Variants in ATRNL1 observed in about 807,000 individuals in gnomAD.
The protein encoded by ATRNL1 is attractin like 1.
Under a neutral mutation model 182.7 loss-of-function variants are expected in ATRNL1, and 95 were observed. That is an observed-to-expected ratio of 0.52 (90% CI 0.44 to 0.62). The LOEUF is 0.62. ATRNL1 is among the 20% of genes least tolerant of loss of function. The probability of loss-of-function intolerance (pLI) is 0.00; values close to 1 mark genes in which losing one functional copy is unlikely to be tolerated. For synonymous variants in ATRNL1, 576 were observed against 568.3 expected, an observed-to-expected ratio of 1.01 and a Z score of -0.19; for missense variants, 1,471 against 1,679.5, an observed-to-expected ratio of 0.88 and a Z score of 2.17.
chr10:115,601,654 G>T (rs1856599300), intron 26 of ATRNL1, among the ~76,000 whole-genome samples: 1 of 151,994 alleles, frequency 6.6e-6, no homozygotes, highest in Admixed American at 6.6e-5. Context: ...TCATGTTCTG[G>T]TCTATTTTTA....
chr10:115,597,738 G>A (rs782609806), intron 26 of ATRNL1: 2 of 441,304 alleles, frequency 4.5e-6, no homozygotes, highest in South Asian at 1.6e-5. Flanking sequence ...AGTAGAGATG[G>A]GGTTTCACCA....
chr10:115,679,093 C>T (rs1223037512), intron 26 of ATRNL1, among the ~76,000 whole-genome samples: 1 of 152,066 alleles, frequency 6.6e-6, no homozygotes, highest in Non-Finnish European at 1.5e-5. Flanking sequence ...GGAGGTCCTT[C>T]TCTTACTATT....
chr10:115,542,855 T>A (rs1852437583), intron 25 of ATRNL1, among the ~76,000 whole-genome samples: 1 of 152,202 alleles, frequency 6.6e-6, no homozygotes, highest in African/African-American at 2.4e-5. Context: ...TCACACTGTG[T>A]ACTCACATGG....
intron 26 of ATRNL1, among the ~76,000 whole-genome samples, chr10:115,562,625 C>G (rs183449857): frequency 6.6e-6 from 1 of 152,230 alleles, no homozygotes; most frequent in African/African-American, 2.4e-5. Flanking sequence ...CCATCCTGTT[C>G]TCATGATAGT....
At chr10:115,925,156 A>T (rs1953186267) in intron 28 of ATRNL1, among the ~76,000 whole-genome samples, 2 of 152,152 alleles carry the variant, frequency 1.3e-5, no homozygotes, top group African/African-American at 4.8e-5. Context: ...GGCTGAGATG[A>T]TGGGGCTTTC....
chr10:115,198,826 T>A (rs1848451928), intron 8 of ATRNL1, among the ~76,000 whole-genome samples: 1 of 152,166 alleles, frequency 6.6e-6, no homozygotes, highest in African/African-American at 2.4e-5. Flanking sequence ...AATGTGTGAA[T>A]TTATTTTCAG....
At chr10:115,354,996 C>A (rs1344358216) in intron 19 of ATRNL1, among the ~76,000 whole-genome samples, 2 of 151,972 alleles carry the variant, frequency 1.3e-5, no homozygotes, top group Non-Finnish European at 2.9e-5. Context: ...ACTTTTTCAG[C>A]TCGAGTGATT....
chr10:115,233,707 G>A (rs1322907742), intron 9 of ATRNL1, among the ~76,000 whole-genome samples: 1 of 151,988 alleles, frequency 6.6e-6, no homozygotes, highest in Non-Finnish European at 1.5e-5. Flanking sequence ...TTTGATAAGG[G>A]TTTATATTAT....
At chr10:115,648,416 G>C (rs1229695386) in intron 26 of ATRNL1, among the ~76,000 whole-genome samples, 1 of 152,102 alleles carries the variant, frequency 6.6e-6, no homozygotes, top group Non-Finnish European at 1.5e-5. Flanking sequence ...TCCCCATCAA[G>C]CTACCAATGA....
At chr10:115,763,254 C>T (rs1948776721) in intron 27 of ATRNL1, among the ~76,000 whole-genome samples, 1 of 152,000 alleles carries the variant, frequency 6.6e-6, no homozygotes, top group African/African-American at 2.4e-5. Flanking sequence ...TATGTTAAAT[C>T]TGGAATTGGA....
intron 26 of ATRNL1, among the ~76,000 whole-genome samples, chr10:115,626,497 A>G (rs143705515): frequency 2.6e-4 from 39 of 152,278 alleles, no homozygotes; most frequent in African/African-American, 8.9e-4. Context: ...TGTTGGGTAT[A>G]TTTGATTCTG....
intron 10 of ATRNL1, among the ~76,000 whole-genome samples, chr10:115,249,765 T>C (rs1276714027): frequency 6.6e-6 from 1 of 152,184 alleles, no homozygotes; most frequent in African/African-American, 2.4e-5. Flanking sequence ...ATTTCTGTAA[T>C]TTTCATGATG....
At chr10:115,243,505 A>C (rs1554903418) in intron 10 of ATRNL1, among the ~76,000 whole-genome samples, 1 of 152,084 alleles carries the variant, frequency 6.6e-6, no homozygotes, top group East Asian at 1.9e-4. Context: ...GATTAAACAG[A>C]TGAGAGTAAC....
At chr10:115,713,487 A>C (rs1292804666) in intron 26 of ATRNL1, among the ~76,000 whole-genome samples, 5 of 25,632 alleles carry the variant, frequency 2.0e-4, no homozygotes, top group African/African-American at 2.9e-4. Context: ...GTCTGTGTGA[A>C]GATGATTGAC....
At chr10:115,433,865 AG>A (rs1846280656) in intron 21 of ATRNL1, among the ~76,000 whole-genome samples, 1 of 152,318 alleles carries the variant, frequency 6.6e-6, no homozygotes, top group African/African-American at 2.4e-5. Flanking sequence ...ATAATAAAAA[AG>A]TTTAAGGAAG....
At chr10:115,575,494 T>C (rs1255668435) in intron 26 of ATRNL1, among the ~76,000 whole-genome samples, 1 of 152,162 alleles carries the variant, frequency 6.6e-6, no homozygotes, top group African/African-American at 2.4e-5. Context: ...CAACATGTTT[T>C]ATAATGTGTT....
chr10:115,520,468 A>G (rs1850869887), intron 25 of ATRNL1, among the ~76,000 whole-genome samples: 2 of 152,236 alleles, frequency 1.3e-5, no homozygotes, highest in Admixed American at 6.5e-5. Context: ...GACAAAGCCA[A>G]TATGGAAACA....
At chr10:115,735,352 C>T (rs1555065132) in intron 27 of ATRNL1, among the ~76,000 whole-genome samples, 1 of 152,098 alleles carries the variant, frequency 6.6e-6, no homozygotes, top group Admixed American at 6.5e-5. Flanking sequence ...GTCACACTCA[C>T]ACATTGTGTT....
At chr10:115,692,591 T>C (rs1358661614) in intron 26 of ATRNL1, among the ~76,000 whole-genome samples, 4 of 151,850 alleles carry the variant, frequency 2.6e-5, no homozygotes, top group Non-Finnish European at 4.4e-5. Flanking sequence ...ACAATAGCAC[T>C]TGTATTCCTA....
Sources: gnomAD v4.1 joint callset for allele counts (sites outside exome capture counted in the v4.1 genomes callset) on GRCh38, gnomAD v4.1.1 for gene constraint, MANE v1.5 for transcripts, NCBI Gene and HGNC (gene_info 2026-07-23, HGNC 2026-07-21) for gene names.